DLG1: variants seen among roughly 807,000 people sequenced by gnomAD.
The protein encoded by DLG1 is discs large MAGUK scaffold protein 1.
Under a neutral mutation model 123.4 loss-of-function variants are expected in DLG1, and 42 were observed. The observed-to-expected ratio is 0.34, with a 90% CI of 0.27 to 0.44. DLG1 has a LOEUF of 0.44. Ranked by LOEUF, DLG1 falls within the 20% of genes least tolerant of loss-of-function variation. The probability of loss-of-function intolerance (pLI) is 1.00; values close to 1 mark genes in which losing one functional copy is unlikely to be tolerated. For missense variants in DLG1, 942 were observed against 1,082.6 expected, an observed-to-expected ratio of 0.87 and a Z score of 1.82; for synonymous variants, 317 against 356.2, an observed-to-expected ratio of 0.89 and a Z score of 1.24.
At chr3:197,274,718 T>C (rs904775906) in intron 4 of DLG1, among the ~76,000 whole-genome samples, 2 of 152,146 alleles carry the variant, frequency 1.3e-5, no homozygotes, top group Non-Finnish European at 2.9e-5. Context: ...ATATCTGCAA[T>C]TTATCTGACA....
intron 14 of DLG1, among the ~76,000 whole-genome samples, chr3:197,098,553 C>A (rs1450680924): frequency 1.3e-5 from 2 of 152,102 alleles, no homozygotes; most frequent in Non-Finnish European, 2.9e-5. Flanking sequence ...GTCTTCCCAC[C>A]CGCCCCCACC....
At chr3:197,293,302 CA>C (rs1238633252) in intron 3 of DLG1, among the ~76,000 whole-genome samples, 1 of 152,144 alleles carries the variant, frequency 6.6e-6, no homozygotes. Context: ...AGCTGAAATT[CA>C]AAATTAGTAA....
chr3:197,129,933 T>G (rs1781649360), intron 11 of DLG1, among the ~76,000 whole-genome samples: 1 of 152,138 alleles, frequency 6.6e-6, no homozygotes, highest in South Asian at 2.1e-4. Flanking sequence ...TGATCACATA[T>G]TACTGTAACA....
chr3:197,119,873 C>T (rs1775340268), intron 11 of DLG1, among the ~76,000 whole-genome samples: 1 of 152,132 alleles, frequency 6.6e-6, no homozygotes, highest in Admixed American at 6.5e-5. Flanking sequence ...TGTCCTTATA[C>T]TAGCTCAGAT....
chr3:197,170,285 T>C (rs897709760), intron 5 of DLG1, among the ~76,000 whole-genome samples: 2 of 152,298 alleles, frequency 1.3e-5, no homozygotes, highest in African/African-American at 4.8e-5. Context: ...AGTAATAGGA[T>C]TGCTGGGTTG....
At chr3:197,133,430 G>C (rs534018749) in intron 10 of DLG1, among the ~76,000 whole-genome samples, 2 of 152,278 alleles carry the variant, frequency 1.3e-5, no homozygotes, top group South Asian at 4.1e-4. Flanking sequence ...AGTTGTTCCT[G>C]CCAAGCCCTA....
chr3:197,072,305 T>C (rs1007180100), intron 18 of DLG1, among the ~76,000 whole-genome samples: 1 of 152,130 alleles, frequency 6.6e-6, no homozygotes, highest in Non-Finnish European at 1.5e-5. Context: ...GAAGAGGATT[T>C]AGTGGGTCAA....
chr3:197,241,366 TCAC>T (rs1215099678), intron 4 of DLG1, among the ~76,000 whole-genome samples: 1 of 151,212 alleles, frequency 6.6e-6, no homozygotes, highest in Non-Finnish European at 1.5e-5. Flanking sequence ...CTAAGAGAAT[TCAC>T]CACCACAAGA....
chr3:197,110,082 T>C (rs1216478463), intron 13 of DLG1, among the ~76,000 whole-genome samples: 1 of 152,136 alleles, frequency 6.6e-6, no homozygotes, highest in South Asian at 2.1e-4. Flanking sequence ...TCTTTCTTCT[T>C]TTTTCTCTCT....
At position 197,065,362 on chromosome 3, in the gene DLG1, G is replaced by C. The variant is rs1164704741; in HGVS notation, c.2287C>G (p.Gln763Glu). 1.1e-5 allele frequency: 17 copies of C among 1,612,814 alleles called. No homozygotes were observed. Among genetic ancestry groups the C allele is most frequent in the African/African-American group, 2.7e-5 (2 of 74,706 alleles). Residue 763 changes from glutamine to glutamate, a missense_variant, in exon 22 of 25, where the codon CAG becomes GAG. Gln to Glu is a conservative substitution (Grantham distance 29). Coordinates refer to ENST00000667157, the MANE Select transcript of DLG1 (RefSeq NM_001366207.1). The part of the protein sequence containing the change: ...TSREQMEKDI[Q>E]EHKFIEAGQY... ...CCAGCTTCAATGAATTTATGTTCCT[G>C]GATATCTTTTTCCATCTGCTCTCTT...
chr3:197,073,380 T>C (rs1013518755), intron 18 of DLG1, among the ~76,000 whole-genome samples: 7 of 152,210 alleles, frequency 4.6e-5, no homozygotes, highest in Non-Finnish European at 7.3e-5. Context: ...ATAATTTTAC[T>C]TCTGAGCACC....
intron 18 of DLG1, chr3:197,069,657 G>A (rs1256193205): frequency 6.5e-6 from 1 of 154,214 alleles, no homozygotes; most frequent in East Asian, 1.9e-4. Context: ...ACAAATAGAT[G>A]CCCATTTTAA....
At chr3:197,234,209 T>G (rs756489600) in intron 4 of DLG1, among the ~76,000 whole-genome samples, 2 of 152,236 alleles carry the variant, frequency 1.3e-5, no homozygotes. Context: ...AATTTAAGCC[T>G]AACGATCTTT....
At chr3:197,241,127 A>C (rs1365259603) in intron 4 of DLG1, among the ~76,000 whole-genome samples, 1 of 152,146 alleles carries the variant, frequency 6.6e-6, no homozygotes, top group Non-Finnish European at 1.5e-5. Context: ...TCAAAGACAA[A>C]GAGAGGATCC....
At chr3:197,287,563 TTA>T (rs1772480463) in intron 3 of DLG1, among the ~76,000 whole-genome samples, 1 of 152,138 alleles carries the variant, frequency 6.6e-6, no homozygotes, top group Admixed American at 6.5e-5. Context: ...ACACGGGAAG[TTA>T]TTTGCAATTT....
chr3:197,222,699 G>A (rs1443530100), intron 4 of DLG1, among the ~76,000 whole-genome samples: 1 of 152,072 alleles, frequency 6.6e-6, no homozygotes, highest in Non-Finnish European at 1.5e-5. Flanking sequence ...GAATCGCCAA[G>A]GCTTTAACAC....
chr3:197,271,362 G>A (rs2151044740), intron 4 of DLG1, among the ~76,000 whole-genome samples: 1 of 152,250 alleles, frequency 6.6e-6, no homozygotes, highest in African/African-American at 2.4e-5. Flanking sequence ...CAATACCAAG[G>A]ATACAAAAAT....
At chr3:197,117,961 G>T (rs1470752634) in intron 12 of DLG1, among the ~76,000 whole-genome samples, 1 of 151,920 alleles carries the variant, frequency 6.6e-6, no homozygotes, top group African/African-American at 2.4e-5. Context: ...CAAAATGTAG[G>T]TATGTTGTGA....
At chr3:197,184,602 A>G (rs1017837179) in intron 5 of DLG1, among the ~76,000 whole-genome samples, 1 of 152,222 alleles carries the variant, frequency 6.6e-6, no homozygotes, top group African/African-American at 2.4e-5. Flanking sequence ...AAGGTAGATT[A>G]ATTACTAAAA....
Sources: allele counts gnomAD v4.1 joint callset (sites outside exome capture counted in the v4.1 genomes callset), GRCh38; gene constraint gnomAD v4.1.1; transcripts MANE v1.5; gene names NCBI Gene and HGNC (gene_info 2026-07-23, HGNC 2026-07-21).